Variants in NOB1 observed in about 807,000 individuals in gnomAD.
NOB1 encodes the protein NIN1 (RPN12) binding protein 1 homolog.
In NOB1, 44 loss-of-function variants were observed where a neutral mutation model predicts 44.8. The ratio of observed to expected loss-of-function variants is 0.98; its 90% CI spans 0.77 to 1.26. The LOEUF (loss-of-function observed/expected upper bound fraction) is 1.26. NOB1 is among the 50% of genes most tolerant of loss of function. The pLI, the probability that NOB1 is intolerant of heterozygous loss-of-function variation, is 0.00. For missense variants in NOB1, 560 were observed against 544.8 expected (o/e 1.03, Z -0.28); for synonymous variants, 238 against 218.7 (o/e 1.09, Z -0.78).
chr16:69,753,536 G>GTGTTAA (rs1300205669), intron 2 of NOB1, among the ~76,000 whole-genome samples: 1 of 152,176 alleles, frequency 6.6e-6, no homozygotes, highest in East Asian at 1.9e-4. Flanking sequence ...AAAGCTTTAT[G>GTGTTAA]TGTTAATGCA....
At chr16:69,745,089 G>T (rs1179525531) in intron 7 of NOB1, 72 bp from the exon 8 acceptor site, 2 of 1,541,908 alleles carry the variant, frequency 1.3e-6, no homozygotes, top group Non-Finnish European at 1.8e-6. Context: ...GCACAAGGTG[G>T]GTCTCGGGCC....
At chr16:69,753,959 C>G (rs1369470084) in intron 2 of NOB1, among the ~76,000 whole-genome samples, 1 of 152,186 alleles carries the variant, frequency 6.6e-6, no homozygotes, top group African/African-American at 2.4e-5. Context: ...GAGCACACCA[C>G]CACGCCCAGC....
chr16:69,745,042 C>CTG, intron 7 of NOB1, 25 bp from the exon 8 acceptor site: 1 of 1,613,468 alleles, frequency 6.2e-7, no homozygotes, highest in Non-Finnish European at 8.5e-7. Flanking sequence ...AGGAGATGAT[C>CTG]TGTACCAAAG....
rs2038489742 is a variant in NOB1, at chr16:69,752,327, CAG to C, written c.239_240del (p.Ser80CysfsTer31). On this transcript the variant is annotated frameshift_variant, in exon 3 of 9. Coordinates refer to ENST00000268802, the MANE Select transcript of NOB1 (RefSeq NM_014062.3). LOFTEE classifies it high-confidence loss of function. ...AGTGCAAGCACTTGGATGTCCGTGGCAGAGAGGCTGGGGTAGTCTCCTGTTTT... is the reference window on the plus strand; with the variant it reads ...AGTGCAAGCACTTGGATGTCCGTGGCAGAGGCTGGGGTAGTCTCCTGTTTT... ...SKKTGDYPSL[S>X]ATDIQVLALT... The C allele has an allele frequency of 6.2e-7, 1 of 1,613,782 alleles. No individual in the cohort carries two copies. Among genetic ancestry groups the C allele is most frequent in the African/African-American group, 1.3e-5 (1 of 74,916 alleles).
chr16:69,745,657 C>A (rs2038424680), intron 7 of NOB1, among the ~76,000 whole-genome samples: 1 of 152,176 alleles, frequency 6.6e-6, no homozygotes, highest in Non-Finnish European at 1.5e-5. Context: ...ACTCAAGCCC[C>A]GACAGTGGAC....
intron 3 of NOB1, among the ~76,000 whole-genome samples, chr16:69,750,983 A>C (rs2038478066): frequency 1.3e-5 from 2 of 152,234 alleles, no homozygotes; most frequent in African/African-American, 4.8e-5. Context: ...CAACCTAGCC[A>C]CAGTGGGTAA....
At chr16:69,752,873 T>C (rs933339932) in intron 2 of NOB1, among the ~76,000 whole-genome samples, 2 of 152,050 alleles carry the variant, frequency 1.3e-5, no homozygotes, top group Non-Finnish European at 2.9e-5. Flanking sequence ...AGGCGGAGGT[T>C]GCAGTGAGTC....
At chr16:69,745,426 A>G (rs1366378628) in intron 7 of NOB1, among the ~76,000 whole-genome samples, 1 of 152,214 alleles carries the variant, frequency 6.6e-6, no homozygotes, top group Non-Finnish European at 1.5e-5. Flanking sequence ...AAACCCAGGC[A>G]GTCTGGCTCC....
chr16:69,753,384 A>C (rs573431288), intron 2 of NOB1, among the ~76,000 whole-genome samples: 1 of 152,312 alleles, frequency 6.6e-6, no homozygotes, highest in South Asian at 2.1e-4. Context: ...AAACACTTAA[A>C]ATTTCCTGAA....
chr16:69,747,779 G>T (rs1368493838), intron 7 of NOB1, among the ~76,000 whole-genome samples: 2 of 152,152 alleles, frequency 1.3e-5, no homozygotes, highest in Non-Finnish European at 2.9e-5. Flanking sequence ...TGCCCAGGTG[G>T]AGACGGAACC....
At chr16:69,748,417 T>C (rs1444772156) in intron 6 of NOB1, 88 bp from the exon 7 acceptor site, 2 of 1,246,864 alleles carry the variant, frequency 1.6e-6, no homozygotes, top group Non-Finnish European at 2.3e-6. Context: ...AACCCTGCCT[T>C]GCCCATATTC....
intron 2 of NOB1, 144 bp downstream of exon 2, chr16:69,754,450 T>C (rs911951956): frequency 1.4e-5 from 16 of 1,160,812 alleles, no homozygotes; most frequent in Non-Finnish European, 1.9e-5. Context: ...CCAGGAAGCC[T>C]CTCTCCTACC....
intron 2 of NOB1, among the ~76,000 whole-genome samples, chr16:69,752,861 G>T (rs1389399693): frequency 6.6e-6 from 1 of 152,098 alleles, no homozygotes; most frequent in Non-Finnish European, 1.5e-5. Context: ...TTTGAACCTG[G>T]GAGGCGGAGG....
intron 7 of NOB1, among the ~76,000 whole-genome samples, chr16:69,746,146 A>C (rs1399594053): frequency 6.6e-6 from 1 of 152,222 alleles, no homozygotes; most frequent in African/African-American, 2.4e-5. Flanking sequence ...GTGCTGGGTT[A>C]TGCTCAGGAC....
Position 69,749,351 on chromosome 16 carries a change from G to A in NOB1, c.400-13C>T. 2 of 1,578,566 alleles carry A rather than the reference G, an allele frequency of 1.3e-6. No homozygotes were observed. The highest frequency in any genetic ancestry group is 1.7e-6 in the Non-Finnish European group (2 of 1,169,186). Reference sequence around the variant, plus strand: ...GTGGGGGTTTAGGCTGAAATTAAAAGAAACAATTTTAAAACCTGAAAATTC... The same window carrying A: ...GTGGGGGTTTAGGCTGAAATTAAAAAAAACAATTTTAAAACCTGAAAATTC... On this transcript the variant is annotated splice_polypyrimidine_tract_variant and intron_variant, in intron 4 of 8. Transcript: ENST00000268802.
chr16:69,748,479 A>G, intron 6 of NOB1, 150 bp from the exon 7 acceptor site: 1 of 655,178 alleles, frequency 1.5e-6, no homozygotes, highest in Non-Finnish European at 2.7e-6. Context: ...AAGATGTGTA[A>G]ACGAGGACGA....
In NOB1 at chr16:69,742,428, G is replaced by C. The variant is rs780331698; in HGVS notation, c.1143C>G (p.Arg381=). 1 of 1,614,260 alleles carries C rather than the reference G, an allele frequency of 6.2e-7. No homozygotes were observed. Among genetic ancestry groups the C allele is most frequent in the Admixed American group, 1.7e-5 (1 of 60,028 alleles). Reference sequence around the variant, plus strand: ...TGTCCCGGACCTGCAGGGTAGCTGAGCGGCTGGAGATGTCATTCTCGACAA... The same window carrying C: ...TGTCCCGGACCTGCAGGGTAGCTGACCGGCTGGAGATGTCATTCTCGACAA... ...SPFVENDISS[R]SATLQVRDST... is the part of the protein sequence containing the mutation. The change falls in exon 9 of 9, where the codon CGC becomes CGG. Residue 381 remains arginine (R), a synonymous_variant. Transcript: ENST00000268802.
chr16:69,742,816 G>C (rs1357205664), intron 8 of NOB1, among the ~76,000 whole-genome samples: 1 of 152,090 alleles, frequency 6.6e-6, no homozygotes, highest in African/African-American at 2.4e-5. Flanking sequence ...ACGGTATTTT[G>C]ACTACATACC....
Position 69,754,581 on chromosome 16 carries a change from C to A in NOB1, c.196+13G>T, listed in dbSNP as rs776513848. 2 of 1,613,790 alleles carry A rather than the reference C, an allele frequency of 1.2e-6. No individual in the cohort carries two copies. The highest frequency in any genetic ancestry group is 1.7e-6 in the Non-Finnish European group (2 of 1,179,956). The stretch of plus-strand genomic sequence containing the variant: ...CCCCAGCTTCCCGTCAACGCTAGGG[C>A]AGAGGCACTCACCCAGCCGCACGTA... On this transcript the variant is annotated intron_variant, in intron 2 of 8. Transcript: ENST00000268802.
Sources: allele counts gnomAD v4.1 joint callset (sites outside exome capture counted in the v4.1 genomes callset), GRCh38; gene constraint gnomAD v4.1.1; transcripts MANE v1.5; gene names NCBI Gene and HGNC (gene_info 2026-07-23, HGNC 2026-07-21).